FARS2: variants seen among roughly 807,000 people sequenced by gnomAD.
FARS2 encodes phenylalanine--tRNA ligase, mitochondrial.
FARS2 carries 40 observed loss-of-function variants against 46.4 expected under a neutral mutation model. That is an observed-to-expected ratio of 0.86 (90% CI 0.67 to 1.12). The LOEUF (loss-of-function observed/expected upper bound fraction) is 1.12. Among genes scored for constraint, FARS2 ranks in the 50% most tolerant of loss-of-function variants. FARS2 has a pLI of 0.00. For synonymous variants in FARS2, 234 were observed against 214.9 expected (o/e 1.09, Z -0.78); for missense variants, 513 against 567.9 (o/e 0.90, Z 0.98).
intron 5 of FARS2, among the ~76,000 whole-genome samples, chr6:5,587,128 G>T (rs1201841647): frequency 6.6e-6 from 1 of 152,108 alleles, no homozygotes; most frequent in Non-Finnish European, 1.5e-5. Flanking sequence ...TTTGACCTTT[G>T]TCAATTCATT....
intron 1 of FARS2, among the ~76,000 whole-genome samples, chr6:5,306,620 GT>G (rs1197827729): frequency 6.6e-6 from 1 of 152,214 alleles, no homozygotes; most frequent in Non-Finnish European, 1.5e-5. Context: ...CGCTGCTGGA[GT>G]GTTTAAGCCC....
chr6:5,534,236 A>C (rs973951436), intron 4 of FARS2, among the ~76,000 whole-genome samples: 1 of 141,822 alleles, frequency 7.1e-6, no homozygotes, highest in Non-Finnish European at 1.6e-5. Context: ...TCAAAATTTT[A>C]AATATCTACA....
At chr6:5,386,268 C>T (rs916512649) in intron 2 of FARS2, among the ~76,000 whole-genome samples, 14 of 152,084 alleles carry the variant, frequency 9.2e-5, no homozygotes, top group African/African-American at 2.4e-4. Context: ...ATGAAGGTGA[C>T]GAGTCCCCGG....
At chr6:5,533,870 G>A (rs375118017) in intron 4 of FARS2, among the ~76,000 whole-genome samples, 28 of 152,210 alleles carry the variant, frequency 1.8e-4, no homozygotes, top group Non-Finnish European at 3.7e-4. Flanking sequence ...AAGGGGACCC[G>A]GTGGCAAGAG....
chr6:5,590,426 C>T (rs2150601705), intron 5 of FARS2, among the ~76,000 whole-genome samples: 1 of 152,292 alleles, frequency 6.6e-6, no homozygotes. Context: ...CACAGTGCTC[C>T]ACAGTTACTG....
intron 1 of FARS2, among the ~76,000 whole-genome samples, chr6:5,285,372 G>A (rs1041685549): frequency 5.9e-5 from 9 of 152,180 alleles, no homozygotes; most frequent in Admixed American, 5.9e-4. Flanking sequence ...CGGAGGATGA[G>A]GCCTGTGCTG....
chr6:5,752,888 C>A (rs559432305), intron 6 of FARS2, among the ~76,000 whole-genome samples: 1 of 152,052 alleles, frequency 6.6e-6, no homozygotes, highest in Non-Finnish European at 1.5e-5. Context: ...CCCCCCAGGT[C>A]TCTCTCCCAG....
At chr6:5,602,581 A>C (rs915497306) in intron 5 of FARS2, among the ~76,000 whole-genome samples, 1 of 128,280 alleles carries the variant, frequency 7.8e-6, no homozygotes, top group African/African-American at 2.8e-5. Flanking sequence ...CAGGAGGCAG[A>C]GGTTGCAGTG....
chr6:5,414,833 T>TTTTTTA (rs1762133249), intron 3 of FARS2, among the ~76,000 whole-genome samples: 2 of 135,586 alleles, frequency 1.5e-5, no homozygotes, highest in Non-Finnish European at 1.6e-5. Flanking sequence ...TTTTTTTTTT[T>TTTTTTA]GAGACAGAGT....
At chr6:5,580,231 A>C (rs1773244989) in intron 5 of FARS2, among the ~76,000 whole-genome samples, 1 of 142,628 alleles carries the variant, frequency 7.0e-6, no homozygotes, top group South Asian at 2.5e-4. Context: ...TGGAGGTTAC[A>C]GTGACCCGAG....
At chr6:5,457,504 CATA>C (rs1371683154) in intron 4 of FARS2, among the ~76,000 whole-genome samples, 2 of 152,188 alleles carry the variant, frequency 1.3e-5, no homozygotes, top group Non-Finnish European at 2.9e-5. Context: ...AGACTGTTAT[CATA>C]ATCTCCTGTG....
chr6:5,722,725 G>C (rs570635288), intron 6 of FARS2, among the ~76,000 whole-genome samples: 6 of 152,248 alleles, frequency 3.9e-5, no homozygotes, highest in Admixed American at 6.5e-5. Flanking sequence ...TGAGTGCAAC[G>C]AGGATGTCCT....
At chr6:5,372,808 G>A (rs1759139222) in intron 2 of FARS2, among the ~76,000 whole-genome samples, 1 of 152,068 alleles carries the variant, frequency 6.6e-6, no homozygotes, top group South Asian at 2.1e-4. Flanking sequence ...GATGATGTTA[G>A]CTAAAAGGGT....
chr6:5,559,209 C>G (rs116476579), intron 5 of FARS2, among the ~76,000 whole-genome samples: 2,714 of 152,154 alleles, frequency 0.018, 98 homozygotes, highest in African/African-American at 0.062. Context: ...TTGAGACCAG[C>G]CTGGGCAACA....
intron 4 of FARS2, among the ~76,000 whole-genome samples, chr6:5,464,362 C>T (rs1765401702): frequency 6.6e-6 from 1 of 152,200 alleles, no homozygotes; most frequent in Admixed American, 6.5e-5. Context: ...GCCCTCAGGC[C>T]AGTGTCCTCC....
chr6:5,480,021 G>A (rs1766360192), intron 4 of FARS2, among the ~76,000 whole-genome samples: 2 of 152,246 alleles, frequency 1.3e-5, no homozygotes, highest in Admixed American at 6.5e-5. Flanking sequence ...TATTGGCTTA[G>A]TGTTAACCTG....
intron 5 of FARS2, among the ~76,000 whole-genome samples, chr6:5,607,279 ATATG>A (rs572506151): frequency 9.0e-4 from 95 of 105,158 alleles, no homozygotes; most frequent in South Asian, 3.5e-3. Context: ...TTAAAGAATA[ATATG>A]TATGTGTGTG....
chr6:5,664,473 A>G (rs922554046), intron 6 of FARS2, among the ~76,000 whole-genome samples: 1 of 152,164 alleles, frequency 6.6e-6, no homozygotes, highest in Non-Finnish European at 1.5e-5. Context: ...ATGATTTCAC[A>G]GGTTATATCC....
At chr6:5,516,601 C>T (rs981790900) in intron 4 of FARS2, among the ~76,000 whole-genome samples, 3 of 152,138 alleles carry the variant, frequency 2.0e-5, no homozygotes, top group African/African-American at 7.2e-5. Context: ...ACTCTTCCAC[C>T]TATTTTGTAC....
Sources: allele counts gnomAD v4.1 joint callset (sites outside exome capture counted in the v4.1 genomes callset), GRCh38; gene constraint gnomAD v4.1.1; transcripts MANE v1.5; gene names NCBI Gene and HGNC (gene_info 2026-07-23, HGNC 2026-07-21).